PRSS23: variants seen among roughly 807,000 people sequenced by gnomAD.
PRSS23 encodes the protein protease, serine 23.
In PRSS23, 25 loss-of-function variants were observed where a neutral mutation model predicts 34.7. The ratio of observed to expected loss-of-function variants is 0.72; its 90% confidence interval spans 0.53 to 1.01. The LOEUF is 1.01. PRSS23 is among the 50% of genes least tolerant of loss of function. The pLI is 0.00. For missense variants in PRSS23, 445 were observed against 475.6 expected (o/e 0.94, Z 0.60); for synonymous variants, 176 against 186.6 (o/e 0.94, Z 0.46).
intron 2 of PRSS23, among the ~76,000 whole-genome samples, chr11:86,849,495 C>T (rs900036874): frequency 6.6e-6 from 1 of 152,166 alleles, no homozygotes; most frequent in Non-Finnish European, 1.5e-5. Flanking sequence ...AATGCCCATC[C>T]AATTCAAATC....
At chr11:86,846,002 C>T (rs1164838910) in intron 2 of PRSS23, among the ~76,000 whole-genome samples, 1 of 152,210 alleles carries the variant, frequency 6.6e-6, no homozygotes, top group East Asian at 1.9e-4. Flanking sequence ...GCCTTTGTTT[C>T]TCAATCTGGT....
chr11:86,887,434 A>G (rs1199393967), intron 2 of PRSS23, among the ~76,000 whole-genome samples: 3 of 151,962 alleles, frequency 2.0e-5, no homozygotes, highest in African/African-American at 4.8e-5. Flanking sequence ...AAACAGAAGC[A>G]TGAACGTCCC....
At chr11:86,888,522 A>G (rs1413980035) in intron 2 of PRSS23, among the ~76,000 whole-genome samples, 1 of 152,188 alleles carries the variant, frequency 6.6e-6, no homozygotes, top group Non-Finnish European at 1.5e-5. Flanking sequence ...ATGTCATACA[A>G]TCCCCGCCAG....
At chr11:86,848,637 GGATAAACTT>G (rs1948505914) in intron 2 of PRSS23, among the ~76,000 whole-genome samples, 1 of 152,124 alleles carries the variant, frequency 6.6e-6, no homozygotes, top group African/African-American at 2.4e-5. Flanking sequence ...TTATTCTAAA[GGATAAACTT>G]ATCACCTAAG....
chr11:86,845,521 T>G (rs1294254748), intron 2 of PRSS23, among the ~76,000 whole-genome samples: 1 of 152,220 alleles, frequency 6.6e-6, no homozygotes, highest in East Asian at 1.9e-4. Context: ...TCAACTCATA[T>G]GACAGTGATG....
intron 2 of PRSS23, among the ~76,000 whole-genome samples, chr11:86,926,037 T>C (rs1446802192): frequency 6.6e-6 from 1 of 152,238 alleles, no homozygotes; most frequent in Non-Finnish European, 1.5e-5. Context: ...GAGTCTACCA[T>C]GCTAGGTGCC....
intron 2 of PRSS23, among the ~76,000 whole-genome samples, chr11:86,926,903 C>T (rs189766287): frequency 9.6e-4 from 146 of 152,346 alleles, no homozygotes; most frequent in Admixed American, 2.7e-3. Context: ...TCATGCGTTA[C>T]TCCTCCTCTG....
At chr11:86,886,704 C>T (rs767564514) in intron 2 of PRSS23, among the ~76,000 whole-genome samples, 5 of 152,190 alleles carry the variant, frequency 3.3e-5, no homozygotes, top group Non-Finnish European at 5.9e-5. Flanking sequence ...TTTGGGAGGC[C>T]GAGGTGGGCA....
upstream of PRSS23, among the ~76,000 whole-genome samples, chr11:86,799,857 G>A (rs1364979342): frequency 6.6e-6 from 1 of 152,160 alleles, no homozygotes; most frequent in Non-Finnish European, 1.5e-5. Context: ...AAGCACCCCC[G>A]GTGCTTTGGG....
intron 2 of PRSS23, among the ~76,000 whole-genome samples, chr11:86,852,700 A>G (rs1199023784): frequency 6.6e-6 from 1 of 152,146 alleles, no homozygotes; most frequent in Non-Finnish European, 1.5e-5. Flanking sequence ...TCTCCAGAAC[A>G]GTTTTATCTT....
intron 2 of PRSS23, among the ~76,000 whole-genome samples, chr11:86,834,270 A>G (rs1419237697): frequency 6.6e-6 from 1 of 151,910 alleles, no homozygotes; most frequent in Non-Finnish European, 1.5e-5. Flanking sequence ...GTTTTAAGTA[A>G]TTTTCATTGG....
At chr11:86,930,903 A>G (rs1949121239) in intron 2 of PRSS23, among the ~76,000 whole-genome samples, 1 of 152,168 alleles carries the variant, frequency 6.6e-6, no homozygotes, top group African/African-American at 2.4e-5. Context: ...TATGGCCAGA[A>G]CACAGAAAAA....
intron 2 of PRSS23, among the ~76,000 whole-genome samples, chr11:86,881,738 T>G (rs572181878): frequency 6.6e-6 from 1 of 152,298 alleles, no homozygotes; most frequent in Non-Finnish European, 1.5e-5. Flanking sequence ...CTTTTCTTTG[T>G]GGGAAGTTTT....
Position 86,919,389 on chromosome 11 carries a change from G to A in PRSS23, c.207-31827G>A, listed in dbSNP as rs140004065. ...GGCCACTCTCTCGTTGTGGGCACTG[G>A]CATCTTAGCCCAGCACTTTGAATAA... is the stretch of plus-strand genomic sequence containing the variant. On this transcript the variant is annotated intron_variant, in intron 2 of 2. Coordinates refer to the PRSS23 transcript ENST00000533902. Among the ~76,000 whole-genome samples the A allele has an allele frequency of 3.1e-4, 47 of 152,338 alleles. 1 individual carries two copies. In the East Asian group the frequency reaches 8.3e-3, roughly 27 times the overall value.
intron 2 of PRSS23, among the ~76,000 whole-genome samples, chr11:86,943,441 A>G (rs1029819691): frequency 6.6e-6 from 1 of 152,092 alleles, no homozygotes; most frequent in African/African-American, 2.4e-5. Context: ...CCTGGCCAAC[A>G]TGGTGAAACC....
At chr11:86,952,362 G>C (rs1565397566) in exon 3 of PRSS23, 1 of 1,614,188 alleles carries the variant, frequency 6.2e-7, no homozygotes, top group Non-Finnish European at 8.5e-7. Context: ...AATTCCTTCA[G>C]GACGGGTTCA....
chr11:86,848,309 C>T (rs1009080907), intron 2 of PRSS23, among the ~76,000 whole-genome samples: 2 of 152,092 alleles, frequency 1.3e-5, no homozygotes, highest in Non-Finnish European at 2.9e-5. Context: ...ATTTAGGGAT[C>T]GATAGTACCT....
At chr11:86,867,874 C>CAAAAAAAAAAAAAAAAAAAAA (rs11352878) in intron 2 of PRSS23, among the ~76,000 whole-genome samples, 12 of 118,300 alleles carry the variant, frequency 1.0e-4, no homozygotes, top group African/African-American at 3.5e-4. Flanking sequence ...GACCCTACCT[C>CAAAAAAAAAAAAAAAAAAAAA]AAAAAAAAAA....
intron 2 of PRSS23, chr11:86,948,189 C>T (rs907453752): frequency 6.6e-6 from 1 of 151,024 alleles, no homozygotes; most frequent in African/African-American, 2.5e-5. Flanking sequence ...GAGACCCAGG[C>T]TGGGTGTGGT....
Sources: allele counts gnomAD v4.1 joint callset (sites outside exome capture counted in the v4.1 genomes callset), GRCh38; gene constraint gnomAD v4.1.1; transcripts MANE v1.5; gene names NCBI Gene and HGNC (gene_info 2026-07-23, HGNC 2026-07-21).